NNT: variants seen among roughly 807,000 people sequenced by gnomAD.
NNT encodes NAD(P) transhydrogenase, mitochondrial.
NNT carries 50 observed loss-of-function variants against 104.8 expected under a neutral mutation model. The ratio of observed to expected loss-of-function variants is 0.48; its 90% CI spans 0.38 to 0.60. The LOEUF is 0.60. Among genes scored for constraint, NNT ranks in the 20% least tolerant of loss-of-function variants. The pLI is 0.00. For missense variants in NNT, 1,131 were observed against 1,330.7 expected (o/e 0.85, Z 2.33); for synonymous variants, 461 against 490.4 (o/e 0.94, Z 0.79).
intron 7 of NNT, among the ~76,000 whole-genome samples, chr5:43,632,075 C>T (rs1391192115): frequency 1.3e-5 from 2 of 150,964 alleles, no homozygotes; most frequent in African/African-American, 4.9e-5. Context: ...GCACTGAAAA[C>T]GGAAAGCATG....
intron 4 of NNT, among the ~76,000 whole-genome samples, chr5:43,616,918 T>C (rs1457576350): frequency 2.0e-5 from 3 of 152,106 alleles, no homozygotes; most frequent in Non-Finnish European, 4.4e-5. Context: ...TTTGCTAATA[T>C]TAATGAGGCA....
intron 10 of NNT, chr5:43,648,131 C>A: frequency 8.5e-7 from 1 of 1,179,826 alleles, no homozygotes; most frequent in Non-Finnish European, 1.1e-6. Context: ...CTAACTCTCT[C>A]ACCAGATGGT....
chr5:43,686,082 G>T (rs1446385147), intron 19 of NNT, among the ~76,000 whole-genome samples: 1 of 151,996 alleles, frequency 6.6e-6, no homozygotes, highest in African/African-American at 2.4e-5. Flanking sequence ...TGAAGATCAG[G>T]TTGTTTCATT....
At chr5:43,674,725 A>G (rs373455653) in intron 17 of NNT, among the ~76,000 whole-genome samples, 23 of 152,190 alleles carry the variant, frequency 1.5e-4, no homozygotes, top group African/African-American at 5.6e-4. Context: ...TCTACAAATG[A>G]ACTGTTTTCA....
intron 15 of NNT, 60 bp downstream of exon 15, chr5:43,656,133 A>C (rs764079924): frequency 2.8e-6 from 4 of 1,417,838 alleles, no homozygotes; most frequent in Non-Finnish European, 2.0e-6. Context: ...TTAGGGATCC[A>C]TTTTAATTTC....
chr5:43,668,461 G>T lies in NNT; in HGVS notation c.2635-7050G>T, dbSNP rs568901078. Among the ~76,000 whole-genome samples the T allele has an allele frequency of 2.6e-5, 4 of 152,228 alleles. 1 individual carries two copies. Among genetic ancestry groups the T allele is most frequent in the African/African-American group, 7.2e-5 (3 of 41,540 alleles). On this transcript the variant is annotated intron_variant, in intron 17 of 21. Coordinates refer to ENST00000344920, the MANE Select transcript of NNT (RefSeq NM_182977.3). ...CATCTTGAGTTAATTTTTGTATAAG[G>T]TGTAAGGAAGGGATCCAATTTCAGC...
At chr5:43,666,971 C>T in intron 17 of NNT, 1 of 1,593,876 alleles carries the variant, frequency 6.3e-7, no homozygotes. Context: ...CGGCTGACAC[C>T]CTTTGGGATC....
At chr5:43,680,944 TC>T (rs1301141081) in intron 19 of NNT, among the ~76,000 whole-genome samples, 1 of 152,152 alleles carries the variant, frequency 6.6e-6, no homozygotes, top group African/African-American at 2.4e-5. Context: ...GATAGGCTTT[TC>T]ATTATAAGGC....
In NNT at chr5:43,618,510, T is replaced by C. The variant is rs1277664252; in HGVS notation, c.600-522T>C. 2.6e-5 allele frequency among the ~76,000 whole-genome samples: 4 copies of C among 152,230 alleles called. No individual in the cohort carries two copies. The East Asian group carries it at 7.7e-4, about 29-fold the overall frequency. ...CTAATTTTTTTTATTTTAAGGATTT[T>C]CCCCCCATTACCTAAGCACTACCCA... is the stretch of plus-strand genomic sequence containing the variant. On this transcript the variant is annotated intron_variant, in intron 4 of 21. Transcript: ENST00000344920.
At chr5:43,665,480 T>C (rs1740594663) in intron 17 of NNT, among the ~76,000 whole-genome samples, 1 of 152,082 alleles carries the variant, frequency 6.6e-6, no homozygotes, top group Non-Finnish European at 1.5e-5. Flanking sequence ...ACAAAGCACA[T>C]CTTGCACCGC....
At chr5:43,666,361 C>A (rs1740681225) in intron 17 of NNT, among the ~76,000 whole-genome samples, 1 of 152,212 alleles carries the variant, frequency 6.6e-6, no homozygotes, top group Non-Finnish European at 1.5e-5. Flanking sequence ...GAGGCCGAGG[C>A]TGTCAGATCA....
intron 1 of NNT, among the ~76,000 whole-genome samples, chr5:43,603,801 C>T (rs1273286391): frequency 6.6e-6 from 1 of 151,826 alleles, no homozygotes; most frequent in East Asian, 1.9e-4. Flanking sequence ...AGAGGGTGTC[C>T]GGCTGGGGAC....
At chr5:43,653,262 A>G (rs769611563) in intron 14 of NNT, 49 bp downstream of exon 14, 9 of 1,510,460 alleles carry the variant, frequency 6.0e-6, no homozygotes, top group Non-Finnish European at 8.1e-6. Flanking sequence ...GTTTCTCAAT[A>G]TATATTTCTA....
At position 43,653,051 on chromosome 5, in the gene NNT, G is replaced by T. The variant is rs375134362; in HGVS notation, c.1897G>T (p.Gly633Cys). 1 of 1,613,734 alleles carries T rather than the reference G, an allele frequency of 6.2e-7. No homozygotes were observed. Among genetic ancestry groups the T allele is most frequent in the South Asian group, 1.1e-5 (1 of 91,030 alleles). Residue 633 changes from glycine to cysteine, a missense_variant, in exon 14 of 22, where the codon GGT becomes TGT. Coordinates refer to ENST00000344920, the MANE Select transcript of NNT (RefSeq NM_182977.3). ...CCTAGGCTCGGGTTTGTGCTGTGTC[G>T]GTGCCTTGGCTGGCCTCTCCACCCA... is the stretch of plus-strand genomic sequence containing the variant. ...MYLGSGLCCV[G>C]ALAGLSTQGT...
chr5:43,619,693 A>T (rs148193557), intron 5 of NNT, among the ~76,000 whole-genome samples: 470 of 152,318 alleles, frequency 3.1e-3, no homozygotes, highest in Non-Finnish European at 5.4e-3. Flanking sequence ...AATCCTATGT[A>T]CACTCAGTAA....
chr5:43,651,960 C>G (rs1739791471), intron 13 of NNT, 76 bp downstream of exon 13: 5 of 1,468,222 alleles, frequency 3.4e-6, no homozygotes, highest in Non-Finnish European at 4.7e-6. Context: ...GTTAGTTATC[C>G]TAATTCAAAG....
intron 19 of NNT, among the ~76,000 whole-genome samples, chr5:43,679,419 T>G (rs1020207314): frequency 6.6e-6 from 1 of 152,210 alleles, no homozygotes; most frequent in Non-Finnish European, 1.5e-5. Flanking sequence ...ATACCTCTCT[T>G]GTTACCTGTT....
intron 7 of NNT, among the ~76,000 whole-genome samples, chr5:43,629,568 G>T (rs1750568280): frequency 6.6e-6 from 1 of 152,136 alleles, no homozygotes; most frequent in African/African-American, 2.4e-5. Flanking sequence ...TTCCATAGTG[G>T]TTGTACTAGT....
chr5:43,650,388 T>A, intron 11 of NNT, 89 bp from the exon 12 acceptor site: 1 of 893,100 alleles, frequency 1.1e-6, no homozygotes, highest in East Asian at 2.5e-5. Flanking sequence ...TTACCCTCTA[T>A]GAATCTATGT....
Sources: allele counts gnomAD v4.1 joint callset (sites outside exome capture counted in the v4.1 genomes callset), GRCh38; gene constraint gnomAD v4.1.1; transcripts MANE v1.5; gene names NCBI Gene and HGNC (gene_info 2026-07-23, HGNC 2026-07-21).